Variants in NBPF14 observed in about 807,000 individuals in gnomAD.
NBPF14 encodes NBPF member 14.
A neutral mutation model predicts 91.2 loss-of-function variants in NBPF14; 104 were observed. The observed-to-expected ratio is 1.14, with a 90% CI of 0.97 to 1.34. The LOEUF is 1.34. Among genes scored for constraint, NBPF14 ranks in the 40% most tolerant of loss-of-function variants. The pLI is 0.00. For synonymous variants in NBPF14, 294 were observed against 303.8 expected (o/e 0.97, Z 0.34); for missense variants, 908 against 783.0 (o/e 1.16, Z -1.91).
chr1:148,578,940 A>G lies in NBPF14; in HGVS notation c.1801+134T>C, dbSNP rs1379755486. The G allele has an allele frequency of 7.3e-4, 500 of 685,848 alleles. 4 individuals are homozygous for G. The highest frequency in any genetic ancestry group is 6.2e-3 in the African/African-American group (337 of 54,776). 42.5% of individuals were successfully genotyped at this position (685,848 alleles called of 1,614,324 possible). On this transcript the variant is annotated intron_variant, in intron 13 of 70. Transcript: ENST00000619423. ...CAGACTTGACTCCAGAGTGACTGAA[A>G]TCTACATTGATATATAGGTTCAGCC...
At chr1:148,595,386 G>A (rs1486371379) in intron 2 of NBPF14, among the ~76,000 whole-genome samples, 157 bp downstream of exon 2, 1 of 148,356 alleles carries the variant, frequency 6.7e-6, no homozygotes, top group African/African-American at 2.5e-5. Context: ...TGGCACCTCT[G>A]TCTTCCAACT....
chr1:148,559,973 A>C lies in NBPF14; in HGVS notation c.4557-8T>G. ...AGCAGCTCCCTGCTGAGCCTGGAAA[A>C]GTGGAAAAAAGTAAAGAATAAGCCA... is the stretch of plus-strand genomic sequence containing the variant. On this transcript the variant is annotated splice_region_variant and splice_polypyrimidine_tract_variant and intron_variant, in intron 36 of 70. Coordinates refer to ENST00000619423, the Ensembl canonical transcript of NBPF14. 1 of 1,280,414 alleles carries C rather than the reference A, an allele frequency of 7.8e-7. No individual in the cohort carries two copies. The highest frequency in any genetic ancestry group is 1.1e-6 in the Non-Finnish European group (1 of 912,030). The allele number at this position is 1,280,414 out of a possible 1,614,324, so 79.3% of individuals were successfully genotyped here.
chr1:148,595,076 G>A (rs1424116492), intron 2 of NBPF14, among the ~76,000 whole-genome samples: 1 of 141,062 alleles, frequency 7.1e-6, no homozygotes, highest in East Asian at 2.0e-4. Flanking sequence ...GCCCCTCAGA[G>A]CAGGTACTGG....
At chr1:148,534,432 T>A (rs1160136375) in intron 69 of NBPF14, among the ~76,000 whole-genome samples, 3 of 151,682 alleles carry the variant, frequency 2.0e-5, no homozygotes, top group Non-Finnish European at 4.4e-5. Flanking sequence ...TCTGCCCAGG[T>A]CCAATGTCAT....
At chr1:148,574,439 A>ACT (rs1303751205) in intron 18 of NBPF14, among the ~76,000 whole-genome samples, 4 of 47,652 alleles carry the variant, frequency 8.4e-5, no homozygotes, top group Middle Eastern at 7.6e-3. Context: ...ACACACACAC[A>ACT]CACACACACA....
chr1:148,542,094 C>T (rs1655623076), intron 59 of NBPF14, among the ~76,000 whole-genome samples: 1 of 100,064 alleles, frequency 1.0e-5, no homozygotes, highest in Admixed American at 8.9e-5. Flanking sequence ...TTTGTGCAAA[C>T]AGTTACGCCA....
intron 6 of NBPF14, among the ~76,000 whole-genome samples, chr1:148,589,878 G>A (rs1397812782): frequency 8.1e-5 from 12 of 147,382 alleles, no homozygotes; most frequent in Admixed American, 4.7e-4. Flanking sequence ...GATTACAAGC[G>A]CCAAGTAACA....
At chr1:148,557,188 C>G (rs1656762329) in intron 40 of NBPF14, among the ~76,000 whole-genome samples, 1 of 86,096 alleles carries the variant, frequency 1.2e-5, no homozygotes, top group Non-Finnish European at 2.0e-5. Context: ...ACACAGCATA[C>G]AGGGATCATG....
At chr1:148,566,642 C>T (rs1216137776) in intron 28 of NBPF14, among the ~76,000 whole-genome samples, 1 of 138,786 alleles carries the variant, frequency 7.2e-6, no homozygotes, top group African/African-American at 2.6e-5. Context: ...TCAGGACACA[C>T]AGCATACAGG....
At chr1:148,561,814 C>CAGAGAG (rs1250718234) in intron 34 of NBPF14, among the ~76,000 whole-genome samples, 4 of 134,740 alleles carry the variant, frequency 3.0e-5, no homozygotes, top group African/African-American at 1.1e-4. Flanking sequence ...CACACACACA[C>CAGAGAG]ACACAGAGAG....
At chr1:148,535,425 T>G in intron 68 of NBPF14, 28 bp downstream of exon 68, 1 of 499,082 alleles carries the variant, frequency 2.0e-6, no homozygotes, top group Non-Finnish European at 3.4e-6. Flanking sequence ...CAACACAGAA[T>G]TAAGCATCCA....
At position 148,559,931 on chromosome 1, in the gene NBPF14, C is replaced by A; in HGVS notation, c.4591G>T (p.Glu1531Ter). The change falls in exon 37 of 71, where the codon GAA becomes TAA. Residue 1531 changes from glutamate (E) to a stop codon, truncating the protein, a stop_gained. Coordinates refer to ENST00000619423, the Ensembl canonical transcript of NBPF14. LOFTEE classifies it high-confidence loss of function. ...CTATCCAGTGAGTCCTGCAAGACTTCAGGCCCTTTCTCATGCAGCAGCTCC... is the reference window on the plus strand; with the variant it reads ...CTATCCAGTGAGTCCTGCAAGACTTAAGGCCCTTTCTCATGCAGCAGCTCC... 7.3e-7 allele frequency: 1 copy of A among 1,367,748 alleles called. No homozygotes were observed. The highest frequency in any genetic ancestry group is 2.0e-5 in the African/African-American group (1 of 49,218). The allele number at this position is 1,367,748 out of a possible 1,614,324, so 84.7% of individuals were successfully genotyped here. A position where few individuals can be genotyped will look rare whatever the true frequency, so the allele number is the denominator to read the frequency against.
chr1:148,585,763 C>A (rs1661419542), intron 9 of NBPF14, among the ~76,000 whole-genome samples: 4 of 147,384 alleles, frequency 2.7e-5, no homozygotes, highest in East Asian at 2.0e-4. Context: ...ACGGCAAGGG[C>A]CTTCATCTCA....
intron 37 of NBPF14, among the ~76,000 whole-genome samples, chr1:148,559,552 A>C (rs1277603620): frequency 1.7e-5 from 2 of 118,832 alleles, no homozygotes; most frequent in Non-Finnish European, 1.6e-5. Context: ...GTCCAATGTC[A>C]TGAGAGTAGG....
rs1442133649 is a variant in NBPF14 at position 148,533,743 on chromosome 1, C to G, written c.8723+118G>C. ...CTGCAATGAAAACCAACAGCAATGA[C>G]AGTAGGAGTAATTCAGCCTTTGTTG... On this transcript the variant is annotated intron_variant, in intron 70 of 70. Transcript: ENST00000619423. 8.6e-5 allele frequency: 65 copies of G among 755,814 alleles called. 2 individuals are homozygous for G. The highest frequency in any genetic ancestry group is 4.0e-4 in the South Asian group (29 of 72,880). The allele number at this position is 755,814 out of a possible 1,614,324, so 46.8% of individuals were successfully genotyped here.
chr1:148,534,219 G>A (rs1375449300), intron 69 of NBPF14, among the ~76,000 whole-genome samples: 2 of 151,050 alleles, frequency 1.3e-5, no homozygotes, highest in Admixed American at 6.7e-5. Context: ...CCAAGTTTCT[G>A]CAAACAGTTA....
At chr1:148,590,218 T>A (rs1662256326) in intron 6 of NBPF14, among the ~76,000 whole-genome samples, 2 of 139,950 alleles carry the variant, frequency 1.4e-5, no homozygotes, top group Non-Finnish European at 3.2e-5. Flanking sequence ...CCCAGCTATT[T>A]TTTTTTTTTT....
chr1:148,559,858 T>A lies in NBPF14; in HGVS notation c.4664A>T (p.Gln1555Leu), dbSNP rs1416934685. 44 of 1,509,212 alleles carry A rather than the reference T, an allele frequency of 2.9e-5. 9 individuals are homozygous for A. In the Middle Eastern group the frequency reaches 9.4e-4, roughly 32 times the overall value. The allele number at this position is 1,509,212 out of a possible 1,614,324, so 93.5% of individuals were successfully genotyped here. ...TATGTAAAAGGCACTTCTATAGGGC[T>A]GGCATGAGTCAGTCAGTTCAAGACA... is the stretch of plus-strand genomic sequence containing the variant. Residue 1555 changes from glutamine to leucine, a missense_variant, in exon 37 of 71, where the codon CAG (glutamine) becomes CTG (leucine). Transcript: ENST00000619423.
At chr1:148,534,053 G>T in intron 69 of NBPF14, 84 bp from the exon 70 acceptor site, 6 of 615,510 alleles carry the variant, frequency 9.7e-6, no homozygotes, top group Non-Finnish European at 1.7e-5. Context: ...CTCACACAGG[G>T]ACCTCAGGCT....
Sources: gnomAD v4.1 joint callset for allele counts (sites outside exome capture counted in the v4.1 genomes callset) on GRCh38, gnomAD v4.1.1 for gene constraint, MANE v1.5 for transcripts, NCBI Gene and HGNC (gene_info 2026-07-23, HGNC 2026-07-21) for gene names.